DGKB: variants seen among roughly 807,000 people sequenced by gnomAD.
The protein encoded by DGKB is 90 kDa diacylglycerol kinase.
Under a neutral mutation model 114.3 loss-of-function variants are expected in DGKB, and 67 were observed. The ratio of observed to expected loss-of-function variants is 0.59; its 90% CI spans 0.48 to 0.72. The LOEUF is 0.72. Among genes scored for constraint, DGKB ranks in the 30% least tolerant of loss-of-function variants. DGKB has a pLI of 0.00. For missense variants in DGKB, 907 were observed against 975.2 expected (o/e 0.93, Z 0.93); for synonymous variants, 398 against 323.1 (o/e 1.23, Z -2.49).
chr7:14,410,027 A>T (rs1166846052), intron 21 of DGKB, among the ~76,000 whole-genome samples: 1 of 152,040 alleles, frequency 6.6e-6, no homozygotes, highest in East Asian at 1.9e-4. Context: ...GGGATTCAAA[A>T]GTTAAAGATA....
chr7:14,479,884 A>G (rs546920966), intron 20 of DGKB, among the ~76,000 whole-genome samples: 13 of 152,114 alleles, frequency 8.5e-5, no homozygotes, highest in Non-Finnish European at 1.9e-4. Context: ...GCATACATTC[A>G]GCAGACTAGT....
intron 5 of DGKB, among the ~76,000 whole-genome samples, chr7:14,731,648 C>T (rs1317399805): frequency 1.3e-5 from 2 of 152,028 alleles, no homozygotes; most frequent in South Asian, 2.1e-4. Context: ...TGGGAGATGA[C>T]AATTTTGATT....
intron 13 of DGKB, among the ~76,000 whole-genome samples, chr7:14,644,197 T>C (rs1408862715): frequency 6.6e-6 from 1 of 151,910 alleles, no homozygotes; most frequent in African/African-American, 2.4e-5. Context: ...TAACTGACTC[T>C]ATAGATACAT....
intron 2 of DGKB, among the ~76,000 whole-genome samples, chr7:14,792,494 A>G (rs1163044437): frequency 1.1e-4 from 16 of 152,072 alleles, no homozygotes; most frequent in Non-Finnish European, 2.1e-4. Context: ...AAGAAAAGGT[A>G]CTCATCTGCT....
intron 1 of DGKB, among the ~76,000 whole-genome samples, chr7:14,889,200 T>G (rs958512692): frequency 2.0e-5 from 3 of 151,672 alleles, no homozygotes; most frequent in Admixed American, 6.6e-5. Flanking sequence ...AGATTAAGAA[T>G]GCAAGTGAAT....
chr7:14,242,985 G>A (rs1277436450), intron 23 of DGKB, among the ~76,000 whole-genome samples: 1 of 151,960 alleles, frequency 6.6e-6, no homozygotes, highest in Non-Finnish European at 1.5e-5. Flanking sequence ...AGAGGTGACA[G>A]TATGAAGATT....
chr7:14,496,194 T>G (rs1326851666), intron 20 of DGKB, among the ~76,000 whole-genome samples: 1 of 151,848 alleles, frequency 6.6e-6, no homozygotes. Context: ...TCATCAAACA[T>G]GTGCATAAGA....
At chr7:14,337,814 T>A (rs1183363083) in intron 23 of DGKB, among the ~76,000 whole-genome samples, 1 of 152,044 alleles carries the variant, frequency 6.6e-6, no homozygotes, top group African/African-American at 2.4e-5. Context: ...TATTGGGACA[T>A]GATTAGTTAT....
intron 2 of DGKB, among the ~76,000 whole-genome samples, chr7:14,781,444 C>A (rs890645679): frequency 2.0e-5 from 3 of 152,164 alleles, no homozygotes; most frequent in Non-Finnish European, 4.4e-5. Flanking sequence ...AACTCACTCA[C>A]CATTATCTCT....
chr7:14,507,601 C>T (rs923285817), intron 20 of DGKB, among the ~76,000 whole-genome samples: 4 of 152,042 alleles, frequency 2.6e-5, no homozygotes, highest in African/African-American at 9.7e-5. Context: ...CTGTGATTTC[C>T]ATTTCTTCTT....
At chr7:14,686,029 C>A in intron 9 of DGKB, among the ~76,000 whole-genome samples, 1 of 151,980 alleles carries the variant, frequency 6.6e-6, no homozygotes, top group Non-Finnish European at 1.5e-5. Context: ...TTTGTTTACC[C>A]CCTTATAAAA....
chr7:14,624,486 A>G (rs1279396155), intron 14 of DGKB, among the ~76,000 whole-genome samples: 2 of 152,212 alleles, frequency 1.3e-5, no homozygotes, highest in Non-Finnish European at 2.9e-5. Flanking sequence ...TGGAAATTTA[A>G]GACATGCAAG....
At chr7:14,479,217 AAAG>A (rs1300665881) in intron 20 of DGKB, among the ~76,000 whole-genome samples, 1 of 152,150 alleles carries the variant, frequency 6.6e-6, no homozygotes, top group East Asian at 1.9e-4. Flanking sequence ...TCAAGGAAAT[AAAG>A]AAGTTGTGTA....
chr7:14,291,507 A>C (rs927755026), intron 23 of DGKB, among the ~76,000 whole-genome samples: 4 of 152,158 alleles, frequency 2.6e-5, no homozygotes, highest in African/African-American at 7.2e-5. Context: ...TGGTAATCCC[A>C]AAATTGGTTT....
At chr7:14,648,627 G>A (rs937161068) in intron 13 of DGKB, among the ~76,000 whole-genome samples, 17 of 152,062 alleles carry the variant, frequency 1.1e-4, no homozygotes, top group African/African-American at 2.4e-4. Flanking sequence ...CACCAGCAAC[G>A]GAACAAAGCT....
chr7:14,920,505 G>A (rs911239303), intron 1 of DGKB, among the ~76,000 whole-genome samples: 3 of 152,134 alleles, frequency 2.0e-5, no homozygotes, highest in African/African-American at 7.2e-5. Context: ...ACGCAATGCT[G>A]GTGAGGAAGT....
intron 1 of DGKB, among the ~76,000 whole-genome samples, chr7:14,891,731 T>C (rs1386359130): frequency 1.3e-5 from 2 of 151,528 alleles, no homozygotes; most frequent in South Asian, 2.1e-4. Context: ...TAAAAATAAA[T>C]GACACAAAGA....
At chr7:14,474,639 T>C (rs1425941698) in intron 21 of DGKB, among the ~76,000 whole-genome samples, 1 of 152,090 alleles carries the variant, frequency 6.6e-6, no homozygotes, top group African/African-American at 2.4e-5. Flanking sequence ...TAAATAATTA[T>C]TAATATCCTT....
intron 23 of DGKB, among the ~76,000 whole-genome samples, chr7:14,194,087 A>T (rs1389549906): frequency 6.6e-6 from 1 of 152,204 alleles, no homozygotes; most frequent in Non-Finnish European, 1.5e-5. Context: ...GAACACTTAT[A>T]TGCTGTTGGT....
Sources: gnomAD v4.1 joint callset for allele counts (sites outside exome capture counted in the v4.1 genomes callset) on GRCh38, gnomAD v4.1.1 for gene constraint, MANE v1.5 for transcripts, NCBI Gene and HGNC (gene_info 2026-07-23, HGNC 2026-07-21) for gene names.